GFM1: variants seen among roughly 807,000 people sequenced by gnomAD.
GFM1 encodes the protein elongation factor G, mitochondrial.
In GFM1, 62 loss-of-function variants were observed where a neutral mutation model predicts 96.2. The observed-to-expected ratio is 0.64, with a 90% CI of 0.53 to 0.80. The LOEUF is 0.80. Ranked by LOEUF, GFM1 falls within the 30% of genes least tolerant of loss-of-function variation. The pLI is 0.00. For missense variants in GFM1, 852 were observed against 916.6 expected, an observed-to-expected ratio of 0.93 and a Z score of 0.91; for synonymous variants, 282 against 312.9, an observed-to-expected ratio of 0.90 and a Z score of 1.04.
At chr3:158,685,554 G>A (rs1725766522) in intron 15 of GFM1, among the ~76,000 whole-genome samples, 2 of 152,260 alleles carry the variant, frequency 1.3e-5, no homozygotes, top group South Asian at 4.1e-4. Flanking sequence ...GTATGAATTT[G>A]AACTTTGTGG....
intron 8 of GFM1, chr3:158,656,727 T>G (rs1262476957): frequency 6.6e-6 from 1 of 152,254 alleles, no homozygotes; most frequent in East Asian, 1.9e-4. Context: ...ATCACTTATT[T>G]AATATCAGCG....
chr3:158,665,261 C>T (rs1723549610), intron 11 of GFM1, 76 bp from the exon 12 acceptor site: 1 of 1,062,804 alleles, frequency 9.4e-7, no homozygotes, highest in Admixed American at 1.8e-5. Context: ...TTATTTCATT[C>T]AGTAAAGTTT....
chr3:158,669,304 G>T, intron 13 of GFM1: 1 of 1,187,338 alleles, frequency 8.4e-7, no homozygotes, highest in Non-Finnish European at 1.2e-6. Flanking sequence ...GATTGGATTA[G>T]AAATGAGTAT....
chr3:158,649,057 AATGCAGCGTTT>A lies in GFM1; in HGVS notation c.596_606del (p.Ala199AspfsTer8), dbSNP rs1170469278. 6.6e-7 allele frequency: 1 copy of A among 1,511,724 alleles called. No homozygotes were observed. The highest frequency in any genetic ancestry group is 9.2e-7 in the Non-Finnish European group (1 of 1,087,292). 93.6% of individuals were successfully genotyped at this position (1,511,724 alleles called of 1,614,324 possible). A position where few individuals can be genotyped will look rare whatever the true frequency, so the allele number is the denominator to read the frequency against. On this transcript the variant is annotated frameshift_variant, in exon 5 of 18. Transcript: ENST00000486715. LOFTEE classifies it high-confidence loss of function. ...ATTTTTCAGGTCTAAACTAAATCATAATGCAGCGTTTATGCAGATACCCATGGGTTTGGAGG... is the reference window on the plus strand; with the variant it reads ...ATTTTTCAGGTCTAAACTAAATCATAATGCAGATACCCATGGGTTTGGAGG...
Position 158,645,692 on chromosome 3 carries a change from A to G in GFM1, c.145A>G (p.Ile49Val). The G allele has an allele frequency of 1.2e-6, 2 of 1,611,302 alleles. No homozygotes were observed. The highest frequency in any genetic ancestry group is 8.5e-7 in the Non-Finnish European group (1 of 1,177,424). The change falls in exon 2 of 18, where the codon ATT becomes GTT. Residue 49 changes from isoleucine to valine, a missense_variant. Transcript: ENST00000486715. The part of the protein sequence containing the change: ...GVIPNEKIRN[I>V]GISAHIDSGK... Reference sequence around the variant, plus strand: ...GATTCCTAATGAAAAAATACGAAATATTGGAATCTCAGCTCACATTGATTC... The same window carrying G: ...GATTCCTAATGAAAAAATACGAAATGTTGGAATCTCAGCTCACATTGATTC...
intron 16 of GFM1, 85 bp from the exon 17 acceptor site, chr3:158,691,054 G>A: frequency 2.3e-6 from 2 of 884,264 alleles, no homozygotes; most frequent in Non-Finnish European, 3.8e-6. Flanking sequence ...TAATCTAAAG[G>A]AATTAAATGG....
chr3:158,658,788 A>G, intron 8 of GFM1, 134 bp from the exon 9 acceptor site: 1 of 908,380 alleles, frequency 1.1e-6, no homozygotes, highest in South Asian at 1.4e-5. Context: ...GTTTATGACA[A>G]TAAACTGAAA....
intron 13 of GFM1, among the ~76,000 whole-genome samples, chr3:158,673,969 T>C (rs982822174): frequency 2.0e-5 from 3 of 151,962 alleles, no homozygotes; most frequent in Non-Finnish European, 2.9e-5. Context: ...TGCCTTTAAA[T>C]ACCATCTGTC....
intron 2 of GFM1, 54 bp downstream of exon 2, chr3:158,645,835 G>A: frequency 1.4e-6 from 2 of 1,437,006 alleles, no homozygotes; most frequent in Non-Finnish European, 2.0e-6. Flanking sequence ...TAATTGTTTT[G>A]TTGCTATTAT....
chr3:158,660,892 G>A lies in GFM1; in HGVS notation c.1240G>A (p.Ala414Thr). 6 of 1,613,752 alleles carry A rather than the reference G, an allele frequency of 3.7e-6. No individual in the cohort carries two copies. Among genetic ancestry groups the A allele is most frequent in the Non-Finnish European group, 5.1e-6 (6 of 1,179,708 alleles). The change falls in exon 10 of 18, where the codon GCC (alanine) becomes ACC (threonine). Residue 414 changes from alanine (A) to threonine (T), a missense_variant. By Grantham distance (58) the Ala-to-Thr change is moderately conservative. Transcript: ENST00000486715. The part of the protein sequence containing the change: ...DMMEDVEEVY[A>T]GDICALFGID... ...TTTTTAGGATGTTGAGGAAGTATATGCCGGAGACATCTGTGCATTGTTTGG... is the reference window on the plus strand; with the variant it reads ...TTTTTAGGATGTTGAGGAAGTATATACCGGAGACATCTGTGCATTGTTTGG...
intron 4 of GFM1, among the ~76,000 whole-genome samples, 174 bp from the exon 5 acceptor site, chr3:158,648,867 G>A (rs1442284164): frequency 6.6e-6 from 1 of 152,080 alleles, no homozygotes; most frequent in Admixed American, 6.5e-5. Context: ...TGAGCTCCTT[G>A]AGTTACGTTG....
At chr3:158,665,301 A>G (rs1723557575) in intron 11 of GFM1, 36 bp from the exon 12 acceptor site, 1 of 1,535,614 alleles carries the variant, frequency 6.5e-7, no homozygotes, top group Non-Finnish European at 9.0e-7. Flanking sequence ...TATCATGCTC[A>G]GTAAAACATA....
At chr3:158,648,073 T>C (rs908093583) in intron 4 of GFM1, among the ~76,000 whole-genome samples, 1 of 151,680 alleles carries the variant, frequency 6.6e-6, no homozygotes, top group Non-Finnish European at 1.5e-5. Context: ...GCCTGAAAAC[T>C]TTTTTTTTCA....
chr3:158,668,325 G>A (rs1193523917), intron 13 of GFM1, among the ~76,000 whole-genome samples: 1 of 151,748 alleles, frequency 6.6e-6, no homozygotes, highest in East Asian at 1.9e-4. Flanking sequence ...TATTACTTAG[G>A]GAATCATGAC....
intron 13 of GFM1, chr3:158,672,332 A>AC (rs1287194240): frequency 6.2e-7 from 1 of 1,612,474 alleles, no homozygotes. Flanking sequence ...GCTGTCCACC[A>AC]CCCCCTGCTA....
At chr3:158,665,276 T>A in intron 11 of GFM1, 61 bp from the exon 12 acceptor site, 1 of 1,331,008 alleles carries the variant, frequency 7.5e-7, no homozygotes, top group East Asian at 2.3e-5. Context: ...AAGTTTTTTC[T>A]AAAATCCCAT....
chr3:158,678,214 T>C (rs1725065648), intron 13 of GFM1, among the ~76,000 whole-genome samples: 1 of 152,202 alleles, frequency 6.6e-6, no homozygotes. Context: ...TAATGTTGTT[T>C]CCATGCCCGC....
intron 15 of GFM1, among the ~76,000 whole-genome samples, chr3:158,687,512 G>C (rs1456665578): frequency 6.6e-6 from 1 of 152,046 alleles, no homozygotes; most frequent in African/African-American, 2.4e-5. Flanking sequence ...CTGTTGCCCA[G>C]GCTGGAGTGC....
intron 2 of GFM1, 63 bp downstream of exon 2, chr3:158,645,844 AT>A: frequency 7.2e-7 from 1 of 1,379,480 alleles, no homozygotes; most frequent in Non-Finnish European, 1.0e-6. Context: ...TGTTGCTATT[AT>A]TTAATAAAGC....
Sources: allele counts gnomAD v4.1 joint callset (sites outside exome capture counted in the v4.1 genomes callset), GRCh38; gene constraint gnomAD v4.1.1; transcripts MANE v1.5; gene names NCBI Gene and HGNC (gene_info 2026-07-23, HGNC 2026-07-21).